Variants in ANO1 observed in about 807,000 individuals in gnomAD.
The protein encoded by ANO1 is anoctamin 1.
Under a neutral mutation model 124.0 loss-of-function variants are expected in ANO1, and 59 were observed. That is an observed-to-expected ratio of 0.48 (90% CI 0.39 to 0.59). The LOEUF (loss-of-function observed/expected upper bound fraction) is 0.59, where lower values mean the gene tolerates loss of function less well. ANO1 is among the 20% of genes least tolerant of loss of function. ANO1 has a pLI of 0.00. For missense variants in ANO1, 1,059 were observed against 1,328.0 expected, an observed-to-expected ratio of 0.80 and a Z score of 3.15; for synonymous variants, 529 against 532.0, an observed-to-expected ratio of 0.99 and a Z score of 0.08.
intron 1 of ANO1, among the ~76,000 whole-genome samples, chr11:70,055,209 T>C (rs11231955): frequency 0.15 from 23,071 of 152,098 alleles, 1,804 homozygotes; most frequent in East Asian, 0.23. Context: ...AAAAAATATG[T>C]ATATTCAGTA....
chr11:70,000,511 A>G (rs1319544946), intron 1 of ANO1, among the ~76,000 whole-genome samples: 2 of 152,186 alleles, frequency 1.3e-5, no homozygotes, highest in Non-Finnish European at 2.9e-5. Context: ...AAAGCGCATG[A>G]GATACCGAGC....
At chr11:70,032,537 G>T (rs12807482) in intron 1 of ANO1, among the ~76,000 whole-genome samples, 53 of 123,630 alleles carry the variant, frequency 4.3e-4, no homozygotes, top group African/African-American at 1.5e-3. Context: ...GGCGGGAGAG[G>T]GGGGGGGTCT....
chr11:70,027,580 C>T (rs1297114469), intron 1 of ANO1, among the ~76,000 whole-genome samples: 1 of 152,238 alleles, frequency 6.6e-6, no homozygotes, highest in Non-Finnish European at 1.5e-5. Context: ...GAGGTGGGGA[C>T]TCTGTTTTCC....
At position 70,087,802 on chromosome 11, in the gene ANO1, G is replaced by A. The variant is rs1249553972; in HGVS notation, c.159G>A (p.Leu53=). The part of the protein sequence containing the change: ...VDPDAECKYG[L]YFRDGRRKVD... ...CTGATGCCGAGTGCAAGTATGGCCT[G>A]TACTTCAGGGACGGCCGGCGCAAGG... Residue 53 remains leucine, a synonymous_variant, in exon 2 of 26, where the codon CTG becomes CTA. Transcript: ENST00000355303. The A allele has an allele frequency of 6.2e-7, 1 of 1,612,908 alleles. No individual in the cohort carries two copies. Among genetic ancestry groups the A allele is most frequent in the East Asian group, 2.2e-5 (1 of 44,850 alleles).
rs754235620 is a variant in ANO1 at position 70,171,022 on chromosome 11, T to C, written c.2333T>C (p.Val778Ala). The C allele has an allele frequency of 8.1e-6, 13 of 1,612,216 alleles. No individual in the cohort carries two copies. The highest frequency in any genetic ancestry group is 6.8e-6 in the Non-Finnish European group (8 of 1,179,242). The change falls in exon 22 of 26, where the codon GTC (valine) becomes GCC (alanine). Residue 778 changes from valine (V) to alanine (A), a missense_variant. Coordinates refer to ENST00000355303, the MANE Select transcript of ANO1 (RefSeq NM_018043.7). Reference protein sequence around the residue: ...FVTELRRPVAVRAKDIGIWYN... With the variant: ...FVTELRRPVAARAKDIGIWYN... ...ACTGAGCTCCGAAGGCCGGTAGCTG[T>C]CAGAGCCAAAGACATCGGTGAGTGA...
At chr11:70,093,755 A>G (rs1330129526) in intron 2 of ANO1, among the ~76,000 whole-genome samples, 1 of 152,188 alleles carries the variant, frequency 6.6e-6, no homozygotes. Context: ...CGCCATCTTC[A>G]TGGATGCTGC....
At chr11:70,077,943 A>T (rs1186030141), upstream of ANO1, among the ~76,000 whole-genome samples, 1 of 151,990 alleles carries the variant, frequency 6.6e-6, no homozygotes, top group East Asian at 2.0e-4. Flanking sequence ...AGCTCCCCGG[A>T]GGAGGTGAGT....
At chr11:70,165,413 C>A in intron 19 of ANO1, 57 bp from the exon 20 acceptor site, 3 of 1,453,312 alleles carry the variant, frequency 2.1e-6, no homozygotes, top group Non-Finnish European at 2.8e-6. Context: ...CCCTGCAGGG[C>A]TGGGGTCCCT....
At chr11:69,972,874 C>T in the ANO1 span, among the ~76,000 whole-genome samples, 1 of 151,928 alleles carries the variant, frequency 6.6e-6, no homozygotes, top group Non-Finnish European at 1.5e-5. Context: ...TGGCCTGGCC[C>T]CTATCTGGCA....
intron 1 of ANO1, among the ~76,000 whole-genome samples, chr11:70,014,271 A>T (rs1425743725): frequency 4.0e-5 from 1 of 24,928 alleles, no homozygotes; most frequent in Non-Finnish European, 8.3e-5. Flanking sequence ...CAACCCCCCC[A>T]CCCCCCCACC....
intron 11 of ANO1, among the ~76,000 whole-genome samples, chr11:70,136,341 A>G (rs1343383508): frequency 6.6e-6 from 1 of 152,206 alleles, no homozygotes; most frequent in Non-Finnish European, 1.5e-5. Context: ...AAGAGGTTTA[A>G]GTGCAAGGGA....
At chr11:70,140,163 G>A (rs905407482) in intron 11 of ANO1, among the ~76,000 whole-genome samples, 3 of 152,198 alleles carry the variant, frequency 2.0e-5, no homozygotes, top group African/African-American at 7.2e-5. Flanking sequence ...CCCCAGGAGA[G>A]GGTTTTTGGA....
chr11:70,072,694 G>A (rs79431597), intron 1 of ANO1: 14,176 of 152,296 alleles, frequency 0.093, 990 homozygotes, highest in Admixed American at 0.18. Flanking sequence ...GCTTGGGCCG[G>A]TCACCAACAC....
At chr11:70,128,283 C>A (rs1005194246) in intron 10 of ANO1, among the ~76,000 whole-genome samples, 4 of 151,896 alleles carry the variant, frequency 2.6e-5, no homozygotes, top group African/African-American at 9.7e-5. Flanking sequence ...AGGTCCTGGG[C>A]ACTTGGGTTT....
At chr11:70,005,438 TG>T (rs1488552250) in intron 1 of ANO1, among the ~76,000 whole-genome samples, 2 of 152,184 alleles carry the variant, frequency 1.3e-5, no homozygotes, top group Non-Finnish European at 2.9e-5. Context: ...AAAACGTTCT[TG>T]TTGGCACACT....
At chr11:70,099,516 C>G (rs144194150) in intron 2 of ANO1, among the ~76,000 whole-genome samples, 324 of 152,270 alleles carry the variant, frequency 2.1e-3, no homozygotes, top group African/African-American at 7.2e-3. Flanking sequence ...GTGTCTGCAA[C>G]AAGAAAAGAC....
intron 23 of ANO1, among the ~76,000 whole-genome samples, chr11:70,181,708 C>T (rs973329339): frequency 7.2e-5 from 11 of 151,986 alleles, no homozygotes; most frequent in African/African-American, 2.4e-4. Context: ...AGGAGGATCG[C>T]TTGAGGCGAG....
chr11:70,117,809 G>T (rs1284271117), intron 8 of ANO1, among the ~76,000 whole-genome samples: 1 of 152,150 alleles, frequency 6.6e-6, no homozygotes, highest in Non-Finnish European at 1.5e-5. Flanking sequence ...CTTCATTTCA[G>T]CCTCCCCCAC....
intron 6 of ANO1, among the ~76,000 whole-genome samples, chr11:70,108,722 C>T (rs1041828326): frequency 3.3e-5 from 5 of 152,158 alleles, no homozygotes; most frequent in African/African-American, 1.2e-4. Context: ...GATTCCTGGC[C>T]CTCTCTTGAC....
Sources: allele counts gnomAD v4.1 joint callset (sites outside exome capture counted in the v4.1 genomes callset), GRCh38; gene constraint gnomAD v4.1.1; transcripts MANE v1.5; gene names NCBI Gene and HGNC (gene_info 2026-07-23, HGNC 2026-07-21).